Variants in MMP12 observed in about 807,000 individuals in gnomAD.
MMP12 encodes macrophage metalloelastase.
MMP12 carries 51 observed loss-of-function variants against 45.2 expected under a neutral mutation model. That is an observed-to-expected ratio of 1.13 (90% confidence interval 0.90 to 1.42). MMP12 has a LOEUF of 1.42. Ranked by LOEUF, MMP12 falls within the 40% of genes most tolerant of loss-of-function variation. The pLI is 0.00. For missense variants in MMP12, 530 were observed against 570.8 expected (o/e 0.93, Z 0.73); for synonymous variants, 210 against 193.3 (o/e 1.09, Z -0.72).
intron 4 of MMP12, 91 bp downstream of exon 4, chr11:102,871,503 G>C: frequency 4.1e-6 from 6 of 1,472,018 alleles, no homozygotes; most frequent in Non-Finnish European, 4.6e-6. Context: ...GTAGTCTCTC[G>C]AAACCAGAAT....
chr11:102,873,098 T>C lies in MMP12; in HGVS notation c.117A>G (p.Lys39=), dbSNP rs782677013. Residue 39 remains lysine, a synonymous_variant, in exon 2 of 10, where the codon AAA becomes AAG. Transcript: ENST00000571244. ...NVLFGERYLE[K]FYGLEINKLP... is the part of the protein sequence containing the mutation. The stretch of plus-strand genomic sequence containing the variant: ...GTTTGTTTATCTCAAGGCCATAAAA[T>C]TTTTCTAAGTATCTCTGGAAAAAAA... The C allele has an allele frequency of 6.2e-7, 1 of 1,611,902 alleles. No individual in the cohort carries two copies. Among genetic ancestry groups the C allele is most frequent in the South Asian group, 1.1e-5 (1 of 90,730 alleles).
chr11:102,866,503 T>C, intron 6 of MMP12, 55 bp from the exon 7 acceptor site: 1 of 1,578,688 alleles, frequency 6.3e-7, no homozygotes. Context: ...TCAAGAACCA[T>C]GGCATGTGAA....
rs630257 is a variant in MMP12, at chr11:102,867,348, T to C, written c.833A>G (p.Glu278Gly). The change falls in exon 6 of 10, where the codon GAA becomes GGA. Residue 278 changes from glutamate (E) to glycine (G), a missense_variant. Coordinates refer to ENST00000571244, the MANE Select transcript of MMP12 (RefSeq NM_002426.6). ...NQRLPNPDNS[E>G]PALCDPNLSF... ...CAAATTGGGGTCACAGAGAGCTGGT[T>C]CTGAATTGTCAGGATTTGGCAAGCG... 1 of 1,611,684 alleles carries C rather than the reference T, an allele frequency of 6.2e-7. No homozygotes were observed. The highest frequency in any genetic ancestry group is 2.2e-5 in the East Asian group (1 of 44,824).
chr11:102,867,491 A>C, intron 5 of MMP12, 98 bp from the exon 6 acceptor site: 6 of 1,173,564 alleles, frequency 5.1e-6, no homozygotes, highest in Non-Finnish European at 7.0e-6. Flanking sequence ...CTTAATGAAC[A>C]TTGCATCAAA....
At chr11:102,869,897 C>T (rs570415361) in intron 4 of MMP12, among the ~76,000 whole-genome samples, 400 of 152,194 alleles carry the variant, frequency 2.6e-3, no homozygotes, top group African/African-American at 9.0e-3. Context: ...CCAGCCTGGG[C>T]AACAGAGCAA....
At chr11:102,866,769 A>G (rs536372210) in intron 6 of MMP12, among the ~76,000 whole-genome samples, 1 of 152,140 alleles carries the variant, frequency 6.6e-6, no homozygotes, top group Non-Finnish European at 1.5e-5. Flanking sequence ...CAAGTGTATC[A>G]GTCTTATAAT....
intron 8 of MMP12, among the ~76,000 whole-genome samples, chr11:102,864,599 C>T (rs1404452389): frequency 6.6e-6 from 1 of 152,192 alleles, no homozygotes; most frequent in Non-Finnish European, 1.5e-5. Flanking sequence ...AAGCTATTCA[C>T]TGAGACAAAA....
At chr11:102,870,449 A>C (rs1306934735) in intron 4 of MMP12, among the ~76,000 whole-genome samples, 5 of 152,230 alleles carry the variant, frequency 3.3e-5, no homozygotes, top group Admixed American at 3.3e-4. Context: ...TGGACATAGT[A>C]TTTATAAAAG....
rs201776289 is a variant in MMP12 at position 102,868,074 on chromosome 11, G to A, written c.626-5C>T. 3.1e-6 allele frequency: 5 copies of A among 1,588,964 alleles called. No homozygotes were observed. The highest frequency in any genetic ancestry group is 4.3e-6 in the Non-Finnish European group (5 of 1,166,804). On this transcript the variant is annotated splice_polypyrimidine_tract_variant and splice_region_variant and intron_variant, in intron 4 of 9. Coordinates refer to ENST00000571244, the MANE Select transcript of MMP12 (RefSeq NM_002426.6). The stretch of plus-strand genomic sequence containing the variant: ...CAGTGAGGAACAAGTTTGTGCCTAA[G>A]AAGAAACCAACCAAAAGACAGCTGT...
In MMP12 at chr11:102,872,894, G is replaced by C; in HGVS notation, c.321C>G (p.Pro107=). 6.2e-7 allele frequency: 1 copy of C among 1,613,688 alleles called. No individual in the cohort carries two copies. Among genetic ancestry groups the C allele is most frequent in the Non-Finnish European group, 8.5e-7 (1 of 1,179,808 alleles). The change falls in exon 2 of 10, where the codon CCC becomes CCG. Residue 107 remains proline, a synonymous_variant. Transcript: ENST00000571244. ...VHHFREMPGG[P]VWRKHYITYR... ...AGGTGATATAATGTTTCCTCCATACGGGCCCCCCTGGCATTTCCCTGAAAT... is the reference window on the plus strand; with the variant it reads ...AGGTGATATAATGTTTCCTCCATACCGGCCCCCCTGGCATTTCCCTGAAAT...
Position 102,871,649 on chromosome 11 carries a change from G to T in MMP12, c.570C>A (p.Gly190=). The change falls in exon 4 of 10, where the codon GGC becomes GGA. Residue 190 remains glycine, a synonymous_variant. Transcript: ENST00000571244. Reference sequence around the variant, plus strand: ...CATCGAAATGTGCATCCCCTCCAATGCCAGATCCAGGTCCAAAAGCATGGG... The same window carrying T: ...CATCGAAATGTGCATCCCCTCCAATTCCAGATCCAGGTCCAAAAGCATGGG... ...ILAHAFGPGS[G]IGGDAHFDED... The T allele has an allele frequency of 2.5e-6, 4 of 1,583,862 alleles. No individual in the cohort carries two copies. The highest frequency in any genetic ancestry group is 3.4e-6 in the Non-Finnish European group (4 of 1,163,740).
Position 102,865,570 on chromosome 11 carries a change from C to T in MMP12, c.1205+206G>A, listed in dbSNP as rs970175940. Reference sequence around the variant, plus strand: ...GAGTGTTTTTTTAAAAAAAAACACACATTATCTACTATTTCATATATCAGA... The same window carrying T: ...GAGTGTTTTTTTAAAAAAAAACACATATTATCTACTATTTCATATATCAGA... On this transcript the variant is annotated intron_variant, in intron 8 of 9. Transcript: ENST00000571244. This position sits in a 1 kb window ranked among gnomAD's most constrained non-coding sequence, Gnocchi z 4.1. Among the ~76,000 whole-genome samples the T allele has an allele frequency of 2.6e-5, 4 of 151,956 alleles. No homozygotes were observed. The highest frequency in any genetic ancestry group is 1.3e-4 in the Admixed American group (2 of 15,250).
intron 4 of MMP12, among the ~76,000 whole-genome samples, chr11:102,870,741 T>C (rs184018219): frequency 1.3e-5 from 2 of 152,332 alleles, no homozygotes; most frequent in East Asian, 3.9e-4. Flanking sequence ...AAATGTTCAG[T>C]TGGGCATTCT....
Position 102,867,909 on chromosome 11 carries a change from A to T in MMP12, c.786T>A (p.Tyr262Ter). 1 of 1,608,194 alleles carries T rather than the reference A, an allele frequency of 6.2e-7. No homozygotes were observed. Among genetic ancestry groups the T allele is most frequent in the East Asian group, 2.2e-5 (1 of 44,746 alleles). Reference protein sequence around the residue: ...ADDIRGIQSLYGDPKENQRLP... With the variant: ...ADDIRGIQSL Reference sequence around the variant, plus strand: ...AAAATGATAAAGAATTCAACTCACCATACAGGGACTGAATGCCACGTATGT... The same window carrying T: ...AAAATGATAAAGAATTCAACTCACCTTACAGGGACTGAATGCCACGTATGT... Residue 262 changes from tyrosine to a stop codon, truncating the protein, a stop_gained and splice_region_variant, in exon 5 of 10, where the codon TAT (tyrosine) becomes TAA (stop). Coordinates refer to ENST00000571244, the MANE Select transcript of MMP12 (RefSeq NM_002426.6). LOFTEE classifies it high-confidence loss of function.
rs1859366750 is a variant in MMP12, at chr11:102,865,420, CA to C, written c.1205+355del. The stretch of plus-strand genomic sequence containing the variant: ...TTTTGTCTTTTGAATCCAGTGATTA[CA>C]GAAAGGAATCTGGAAATCCATAACC... On this transcript the variant is annotated intron_variant, in intron 8 of 9. Transcript: ENST00000571244. This position sits in a 1 kb window ranked among gnomAD's most constrained non-coding sequence, Gnocchi z 4.1. 6.6e-6 allele frequency among the ~76,000 whole-genome samples: 1 copy of C among 152,144 alleles called. No homozygotes were observed. Among genetic ancestry groups the C allele is most frequent in the African/African-American group, 2.4e-5 (1 of 41,436 alleles).
intron 5 of MMP12, among the ~76,000 whole-genome samples, chr11:102,867,636 T>C (rs1369054350): frequency 6.6e-6 from 1 of 152,176 alleles, no homozygotes; most frequent in Admixed American, 6.5e-5. Flanking sequence ...TTGTTTAATG[T>C]GTGGGCCTTC....
chr11:102,869,501 G>C (rs895294819), intron 4 of MMP12, among the ~76,000 whole-genome samples: 12 of 152,084 alleles, frequency 7.9e-5, no homozygotes, highest in African/African-American at 2.9e-4. Flanking sequence ...TGCGTGCTCA[G>C]GGGTTGAATT....
At chr11:102,872,558 G>T (rs868908519) in intron 2 of MMP12, among the ~76,000 whole-genome samples, 25 of 152,200 alleles carry the variant, frequency 1.6e-4, no homozygotes, top group Middle Eastern at 6.8e-3. Context: ...GGCCAGGATG[G>T]TCTCCATCTC....
chr11:102,863,511 C>T (rs1427404888), intron 9 of MMP12, among the ~76,000 whole-genome samples: 1 of 152,056 alleles, frequency 6.6e-6, no homozygotes, highest in Non-Finnish European at 1.5e-5. Flanking sequence ...ACCCCCAAAA[C>T]GTCTACCAAC....
Sources: gnomAD v4.1 joint callset for allele counts (sites outside exome capture counted in the v4.1 genomes callset) on GRCh38, gnomAD v4.1.1 for gene constraint, Gnocchi (gnomAD v3.1) non-coding constraint, MANE v1.5 for transcripts, NCBI Gene and HGNC (gene_info 2026-07-23, HGNC 2026-07-21) for gene names.